MYT1L: variants seen among roughly 807,000 people sequenced by gnomAD.
The protein encoded by MYT1L is myelin transcription factor 1-like protein.
In MYT1L, 12 loss-of-function variants were observed where a neutral mutation model predicts 126.7. The observed-to-expected ratio is 0.09, with a 90% confidence interval of 0.06 to 0.15. The LOEUF is 0.15. Among genes scored for constraint, MYT1L ranks in the 10% least tolerant of loss-of-function variants. MYT1L has a pLI of 1.00. For synonymous variants in MYT1L, 541 were observed against 604.2 expected, an observed-to-expected ratio of 0.90 and a Z score of 1.53; for missense variants, 979 against 1,585.2, an observed-to-expected ratio of 0.62 and a Z score of 6.49.
chr2:1,889,577 G>T lies in MYT1L; in HGVS notation c.2284-100C>A. ...CAGTCCTGCCGTCAGCCAGTGTAGCGTTCAACACAGAATCCCTCGCTGCTG... is the reference window on the plus strand; with the variant it reads ...CAGTCCTGCCGTCAGCCAGTGTAGCTTTCAACACAGAATCCCTCGCTGCTG... On this transcript the variant is annotated intron_variant, in intron 15 of 24. Coordinates refer to ENST00000647738, the MANE Select transcript of MYT1L (RefSeq NM_001303052.2). This position sits in a 1 kb window ranked among gnomAD's most constrained non-coding sequence, Gnocchi z 4.1. 1 of 920,224 alleles carries T rather than the reference G, an allele frequency of 1.1e-6. No individual in the cohort carries two copies. Among genetic ancestry groups the T allele is most frequent in the Non-Finnish European group, 1.6e-6 (1 of 625,652 alleles). The allele number at this position is 920,224 out of a possible 1,614,324, so 57.0% of individuals were successfully genotyped here.
chr2:2,090,674 A>G (rs2076826852), intron 3 of MYT1L, among the ~76,000 whole-genome samples: 1 of 152,204 alleles, frequency 6.6e-6, no homozygotes, highest in South Asian at 2.1e-4. Flanking sequence ...TCCTTTCACT[A>G]AAGATTTCTC....
intron 4 of MYT1L, among the ~76,000 whole-genome samples, chr2:2,004,707 C>T (rs1326894488): frequency 7.2e-6 from 1 of 139,252 alleles, no homozygotes; most frequent in Non-Finnish European, 1.5e-5. Flanking sequence ...TCCTGTGTGC[C>T]TTTCCTGCGT....
Position 2,108,484 on chromosome 2 carries a change from C to A in MYT1L, c.-303-54361G>T, listed in dbSNP as rs1411677161. Among the ~76,000 whole-genome samples, 3 of 152,226 alleles carry A rather than the reference C, an allele frequency of 2.0e-5. No homozygotes were observed. In the East Asian group the frequency reaches 5.8e-4, roughly 29 times the overall value. ...CAAGTTCTTCTTAAAGCAGGAGGAT[C>A]TTCCCTCACACTGAATGCAGGTTTC... is the stretch of plus-strand genomic sequence containing the variant. On this transcript the variant is annotated intron_variant, in intron 3 of 24. Coordinates refer to ENST00000647738, the MANE Select transcript of MYT1L (RefSeq NM_001303052.2).
At chr2:1,843,266 T>C (rs1483309688) in intron 19 of MYT1L, among the ~76,000 whole-genome samples, 3 of 152,218 alleles carry the variant, frequency 2.0e-5, no homozygotes, top group Admixed American at 6.5e-5. Context: ...CAGGCTCCTC[T>C]GAGAGGCGAT....
chr2:2,205,730 C>A (rs1296872411), intron 2 of MYT1L, among the ~76,000 whole-genome samples: 1 of 152,120 alleles, frequency 6.6e-6, no homozygotes, highest in African/African-American at 2.4e-5. Flanking sequence ...TGATATCCAC[C>A]TAGAGCAATG....
chr2:2,205,652 T>C (rs2093284264), intron 2 of MYT1L, among the ~76,000 whole-genome samples: 1 of 152,182 alleles, frequency 6.6e-6, no homozygotes, highest in Non-Finnish European at 1.5e-5. Flanking sequence ...TCAAGAGCCA[T>C]TTTTCTGGTG....
Position 1,801,948 on chromosome 2 carries a change from A to C in MYT1L, c.3173-149T>G. 6.9e-6 allele frequency: 4 copies of C among 583,386 alleles called. No individual in the cohort carries two copies. Among genetic ancestry groups the C allele is most frequent in the East Asian group, 2.9e-5 (1 of 34,114 alleles). The allele number at this position is 583,386 out of a possible 1,614,324, so 36.1% of individuals were successfully genotyped here. A position where few individuals can be genotyped will look rare whatever the true frequency, so the allele number is the denominator to read the frequency against. ...AATTAGAAAGGAAAAAATCATCACA[A>C]TCTCTGTGTCTTTCTATTCCCTACC... is the stretch of plus-strand genomic sequence containing the variant. On this transcript the variant is annotated intron_variant, in intron 22 of 24. Transcript: ENST00000647738. This position sits in a 1 kb window ranked among gnomAD's most constrained non-coding sequence, Gnocchi z 4.2.
intron 8 of MYT1L, among the ~76,000 whole-genome samples, chr2:1,956,462 T>C: frequency 1.3e-5 from 2 of 150,052 alleles, no homozygotes; most frequent in African/African-American, 4.9e-5. Flanking sequence ...TCTATCCTAT[T>C]CTATATTTCC....
chr2:1,892,180 T>TGCTGCTGGC lies in MYT1L; in HGVS notation c.2131_2139dup (p.Ala711_Ser713dup). 6.5e-7 allele frequency: 1 copy of TGCTGCTGGC among 1,549,580 alleles called. No individual in the cohort carries two copies. The highest frequency in any genetic ancestry group is 2.4e-5 in the East Asian group (1 of 40,892). On this transcript the variant is annotated inframe_insertion, in exon 15 of 25. Coordinates refer to ENST00000647738, the MANE Select transcript of MYT1L (RefSeq NM_001303052.2). ...TAGTCGAAGCTGCTCTTGCTGCACG[T>TGCTGCTGGC]GCTGCTGGCGCTGCTGCCCCCGCCG...
chr2:1,967,771 C>G (rs1024671580), intron 8 of MYT1L, among the ~76,000 whole-genome samples: 1 of 152,116 alleles, frequency 6.6e-6, no homozygotes, highest in Non-Finnish European at 1.5e-5. Context: ...GCAGGCGAGA[C>G]GAGGTGCAGC....
chr2:1,826,289 C>T (rs12991345), intron 21 of MYT1L, among the ~76,000 whole-genome samples: 3 of 152,184 alleles, frequency 2.0e-5, no homozygotes, highest in East Asian at 1.9e-4. Flanking sequence ...CGGCTTCCTG[C>T]GCTGGCGCAG....
At chr2:1,905,060 T>C (rs1482750934) in intron 13 of MYT1L, among the ~76,000 whole-genome samples, 1 of 152,134 alleles carries the variant, frequency 6.6e-6, no homozygotes, top group African/African-American at 2.4e-5. Flanking sequence ...GGCTAAGTTT[T>C]GTATTTTTAG....
intron 1 of MYT1L, among the ~76,000 whole-genome samples, chr2:2,330,578 A>G (rs1228024353): frequency 6.6e-6 from 1 of 152,248 alleles, no homozygotes; most frequent in Non-Finnish European, 1.5e-5. Flanking sequence ...CATCCAAAAT[A>G]GCTAACATTT....
At chr2:2,132,381 T>C (rs956782853) in intron 3 of MYT1L, among the ~76,000 whole-genome samples, 10 of 152,228 alleles carry the variant, frequency 6.6e-5, no homozygotes, top group South Asian at 2.1e-4. Context: ...ATATAGACTA[T>C]GGAATACTAT....
At chr2:1,952,734 T>TC (rs1474212450) in intron 8 of MYT1L, among the ~76,000 whole-genome samples, 1 of 414 alleles carries the variant, frequency 2.4e-3, no homozygotes, top group Non-Finnish European at 4.3e-3. Flanking sequence ...TTCCCTTCCC[T>TC]CCTTCCTTCC....
chr2:1,845,453 TG>T (rs2042367380), intron 19 of MYT1L, among the ~76,000 whole-genome samples: 1 of 152,174 alleles, frequency 6.6e-6, no homozygotes, highest in African/African-American at 2.4e-5. Flanking sequence ...CCACTCCTCC[TG>T]GTGGGCTTCT....
intron 4 of MYT1L, among the ~76,000 whole-genome samples, chr2:2,036,486 C>T: frequency 6.6e-6 from 1 of 151,778 alleles, no homozygotes; most frequent in Non-Finnish European, 1.5e-5. Flanking sequence ...CAGAAGAGAG[C>T]TCGTAACTTC....
At chr2:2,015,266 G>C (rs1002101534) in intron 4 of MYT1L, among the ~76,000 whole-genome samples, 2 of 152,116 alleles carry the variant, frequency 1.3e-5, no homozygotes, top group Non-Finnish European at 2.9e-5. Flanking sequence ...TGGGCTCCAC[G>C]ATAATGATGG....
At chr2:1,834,355 G>C (rs2040551536) in intron 21 of MYT1L, among the ~76,000 whole-genome samples, 1 of 152,206 alleles carries the variant, frequency 6.6e-6, no homozygotes, top group African/African-American at 2.4e-5. Context: ...TTCCTAATGA[G>C]TGTATTTCTG....
Sources: gnomAD v4.1 joint callset for allele counts (sites outside exome capture counted in the v4.1 genomes callset) on GRCh38, gnomAD v4.1.1 for gene constraint, Gnocchi (gnomAD v3.1) non-coding constraint, MANE v1.5 for transcripts, NCBI Gene and HGNC (gene_info 2026-07-23, HGNC 2026-07-21) for gene names.